Variants in PTPRD observed in about 807,000 individuals in gnomAD.
PTPRD encodes the protein receptor-type tyrosine-protein phosphatase delta.
PTPRD carries 34 observed loss-of-function variants against 214.5 expected under a neutral mutation model. The observed-to-expected ratio is 0.16, with a 90% CI of 0.12 to 0.21. The LOEUF (loss-of-function observed/expected upper bound fraction) is 0.21, where lower values mean the gene tolerates loss of function less well. Ranked by LOEUF, PTPRD falls within the 10% of genes least tolerant of loss-of-function variation. The pLI, the probability that PTPRD is intolerant of heterozygous loss-of-function variation, is 1.00. For synonymous variants in PTPRD, 1,128 were observed against 845.7 expected, an observed-to-expected ratio of 1.33 and a Z score of -5.79; for missense variants, 2,545 against 2,398.7, an observed-to-expected ratio of 1.06 and a Z score of -1.27.
intron 3 of PTPRD, among the ~76,000 whole-genome samples, chr9:10,143,653 C>G (rs72696915): frequency 3.5e-4 from 54 of 152,180 alleles, no homozygotes; most frequent in Non-Finnish European, 6.6e-4. Flanking sequence ...ATGGAGTTAA[C>G]TCAGGTGTCC....
At chr9:10,482,857 C>T (rs1326709575) in intron 2 of PTPRD, among the ~76,000 whole-genome samples, 3 of 152,174 alleles carry the variant, frequency 2.0e-5, no homozygotes, top group Admixed American at 2.0e-4. Context: ...AATGACCACA[C>T]TTCCAAAAGC....
intron 3 of PTPRD, among the ~76,000 whole-genome samples, chr9:10,070,816 T>A (rs1169596520): frequency 1.3e-5 from 2 of 151,940 alleles, no homozygotes; most frequent in Non-Finnish European, 2.9e-5. Flanking sequence ...TTACAGTTAA[T>A]TTCTAAGCTA....
At chr9:8,959,741 C>T (rs186083236) in intron 11 of PTPRD, among the ~76,000 whole-genome samples, 17 of 152,116 alleles carry the variant, frequency 1.1e-4, no homozygotes, top group Admixed American at 8.5e-4. Context: ...ATCAAATCCT[C>T]CACTAAGCCA....
chr9:9,954,155 G>A (rs757454518), intron 4 of PTPRD, among the ~76,000 whole-genome samples: 4 of 151,778 alleles, frequency 2.6e-5, no homozygotes, highest in African/African-American at 9.7e-5. Context: ...AATTAGCTGG[G>A]TGTGGTGGTG....
chr9:8,621,816 T>A lies in PTPRD; in HGVS notation c.352+11501A>T, dbSNP rs538088413. Among the ~76,000 whole-genome samples, 3 of 151,968 alleles carry A rather than the reference T, an allele frequency of 2.0e-5. No individual in the cohort carries two copies. The South Asian group carries it at 6.2e-4, about 32-fold the overall frequency. ...AATGACATGCATAAAAATTTGAGTG[T>A]AAATAAAAGGCTCTTTAGGATACAG... On this transcript the variant is annotated intron_variant, in intron 14 of 45. Coordinates refer to ENST00000381196, the MANE Select transcript of PTPRD (RefSeq NM_002839.4).
chr9:8,462,490 A>G (rs1442856792), intron 32 of PTPRD, among the ~76,000 whole-genome samples: 1 of 152,044 alleles, frequency 6.6e-6, no homozygotes, highest in Non-Finnish European at 1.5e-5. Context: ...AATAAAACGT[A>G]GATAACTTAG....
intron 3 of PTPRD, among the ~76,000 whole-genome samples, chr9:10,211,599 G>A (rs2099517238): frequency 6.6e-6 from 1 of 152,130 alleles, no homozygotes; most frequent in Non-Finnish European, 1.5e-5. Flanking sequence ...AGAGGAACTC[G>A]TTAAAGATAC....
At chr9:8,612,647 G>A (rs2095490541) in intron 14 of PTPRD, among the ~76,000 whole-genome samples, 1 of 152,178 alleles carries the variant, frequency 6.6e-6, no homozygotes, top group Admixed American at 6.5e-5. Flanking sequence ...GAGAAGGATG[G>A]CGGTACTATT....
At chr9:8,976,189 T>A (rs1224882670) in intron 11 of PTPRD, among the ~76,000 whole-genome samples, 1 of 152,102 alleles carries the variant, frequency 6.6e-6, no homozygotes, top group Non-Finnish European at 1.5e-5. Context: ...CTGGGGAAAG[T>A]TCACCATATT....
chr9:8,905,351 A>G (rs1466786645), intron 11 of PTPRD, among the ~76,000 whole-genome samples: 1 of 151,514 alleles, frequency 6.6e-6, no homozygotes, highest in Non-Finnish European at 1.5e-5. Flanking sequence ...CGGAAGTGCT[A>G]TTTTCTTTCT....
At chr9:9,910,674 A>ATATAT (rs1220768546) in intron 5 of PTPRD, among the ~76,000 whole-genome samples, 21 of 152,054 alleles carry the variant, frequency 1.4e-4, no homozygotes, top group African/African-American at 4.8e-4. Context: ...TTTATGCATT[A>ATATAT]TATATAGATG....
At chr9:8,583,348 ATTAT>A (rs1403176800) in intron 14 of PTPRD, among the ~76,000 whole-genome samples, 4 of 152,132 alleles carry the variant, frequency 2.6e-5, no homozygotes, top group African/African-American at 9.7e-5. Context: ...TTCAACACGG[ATTAT>A]TTGTTTTTAG....
At chr9:8,474,785 C>T (rs2096730861) in intron 30 of PTPRD, among the ~76,000 whole-genome samples, 1 of 152,136 alleles carries the variant, frequency 6.6e-6, no homozygotes, top group Non-Finnish European at 1.5e-5. Context: ...ATCTGTCTAC[C>T]AAAGTACAAG....
chr9:9,538,277 CA>C (rs1211632945), intron 8 of PTPRD, among the ~76,000 whole-genome samples: 4 of 151,906 alleles, frequency 2.6e-5, no homozygotes, highest in African/African-American at 7.2e-5. Flanking sequence ...ATTTTAGTCA[CA>C]CACACAAGCA....
At chr9:9,366,063 T>A (rs1394650044) in intron 9 of PTPRD, among the ~76,000 whole-genome samples, 1 of 151,382 alleles carries the variant, frequency 6.6e-6, no homozygotes, top group Non-Finnish European at 1.5e-5. Context: ...GCTACAAAAA[T>A]TCCTAGGAAT....
chr9:9,828,097 G>A (rs538701827), intron 5 of PTPRD, among the ~76,000 whole-genome samples: 16 of 152,238 alleles, frequency 1.1e-4, no homozygotes, highest in African/African-American at 3.4e-4. Context: ...TCAGTGTGGC[G>A]ATTCCTCAGG....
intron 11 of PTPRD, among the ~76,000 whole-genome samples, chr9:8,879,369 C>T (rs962485918): frequency 2.6e-4 from 39 of 152,280 alleles, no homozygotes; most frequent in African/African-American, 8.2e-4. Context: ...ATAGGCTTGG[C>T]TCTGCATTCA....
Position 9,809,935 on chromosome 9 carries a change from G to C in PTPRD, c.-367-43084C>G, listed in dbSNP as rs2046607971. ...AAGCATTTATGTAAATTCAATAACAGAGTTGAAGTACACTTGGCCCACATG... is the reference window on the plus strand; with the variant it reads ...AAGCATTTATGTAAATTCAATAACACAGTTGAAGTACACTTGGCCCACATG... On this transcript the variant is annotated intron_variant, in intron 5 of 45. Transcript: ENST00000381196. Among the ~76,000 whole-genome samples, 3 of 152,076 alleles carry C rather than the reference G, an allele frequency of 2.0e-5. No individual in the cohort carries two copies. In the South Asian group the frequency reaches 6.2e-4, roughly 32 times the overall value.
intron 11 of PTPRD, among the ~76,000 whole-genome samples, chr9:8,775,855 G>GAAC (rs1435077855): frequency 7.8e-5 from 9 of 116,120 alleles, no homozygotes; most frequent in African/African-American, 2.3e-4. Flanking sequence ...AAAAAAAAAT[G>GAAC]ATGCAATAAT....
Sources: allele counts gnomAD v4.1 joint callset (sites outside exome capture counted in the v4.1 genomes callset), GRCh38; gene constraint gnomAD v4.1.1; transcripts MANE v1.5; gene names NCBI Gene and HGNC (gene_info 2026-07-23, HGNC 2026-07-21).